The following CNOT3 variants were observed in gnomAD, a reference collection of about 807,000 sequenced individuals.
CNOT3 encodes the protein CCR4-NOT transcription complex subunit 3.
A neutral mutation model predicts 89.4 loss-of-function variants in CNOT3; 2 were observed. That is an observed-to-expected ratio of 0.02 (90% CI 0.01 to 0.07). The LOEUF (loss-of-function observed/expected upper bound fraction) is 0.07, where lower values mean the gene tolerates loss of function less well. Among genes scored for constraint, CNOT3 ranks in the 10% least tolerant of loss-of-function variants. The probability of loss-of-function intolerance (pLI) is 1.00; values close to 1 mark genes in which losing one functional copy is unlikely to be tolerated. For synonymous variants in CNOT3, 486 were observed against 402.0 expected, an observed-to-expected ratio of 1.21 and a Z score of -2.50; for missense variants, 664 against 1,010.2, an observed-to-expected ratio of 0.66 and a Z score of 4.65.
chr19:54,143,827 C>T (rs1263694713), intron 5 of CNOT3, 78 bp downstream of exon 5: 27 of 1,511,114 alleles, frequency 1.8e-5, no homozygotes, highest in Non-Finnish European at 2.3e-5. Flanking sequence ...GGAGGCAGAG[C>T]GGCCAGACCC....
intron 13 of CNOT3, among the ~76,000 whole-genome samples, chr19:54,150,585 G>GAGGCAGTGTGCGCGCCCAGGCTGTCCAGT: frequency 9.2e-6 from 1 of 108,780 alleles, no homozygotes; most frequent in Non-Finnish European, 2.0e-5. Flanking sequence ...GGCTGTCCAG[G>GAGGCAGTGTGCGCGCCCAGGCTGTCCAGT]AGGCAGTGTG....
chr19:54,153,319 C>A lies in CNOT3; in HGVS notation c.2037+320C>A, dbSNP rs372040663. 1.1e-4 allele frequency: 86 copies of A among 762,176 alleles called. 1 individual carries two copies. The highest frequency in any genetic ancestry group is 1.0e-3 in the East Asian group (43 of 40,964). 47.2% of individuals were successfully genotyped at this position (762,176 alleles called of 1,614,324 possible). ...CCAGCAGCCCCAGTCTAGGCCGACC[C>A]CACTCTGCTCATTGGCACATTCTCA... is the stretch of plus-strand genomic sequence containing the variant. On this transcript the variant is annotated intron_variant, in intron 16 of 17. Transcript: ENST00000221232.
chr19:54,155,653 A>C lies in CNOT3; in HGVS notation c.*246A>C, dbSNP rs1304802995. The C allele has an allele frequency of 7.1e-7, 1 of 1,410,472 alleles. No individual in the cohort carries two copies. Among genetic ancestry groups the C allele is most frequent in the Non-Finnish European group, 9.6e-7 (1 of 1,042,474 alleles). 87.4% of individuals were successfully genotyped at this position (1,410,472 alleles called of 1,614,324 possible). On this transcript the variant is annotated 3_prime_UTR_variant, in exon 18 of 18. Transcript: ENST00000221232. ...TGGTAAACCTATTTTCATTTTGGAA[A>C]ATATTTATGAATAAATAGTTTTATA...
rs1474823524 is a variant in CNOT3, at chr19:54,145,962, G to A, written c.756G>A (p.Glu252=). ...SPPSHSHMED[E]IFNQSSSTPT... ...CCAGCCACAGCCACATGGAGGATGA[G>A]ATCTTCAACCAGTCCAGCAGCACGC... is the stretch of plus-strand genomic sequence containing the variant. The change falls in exon 9 of 18, where the codon GAG becomes GAA. Residue 252 remains glutamate (E), a synonymous_variant. Transcript: ENST00000221232. The surrounding 1 kb of genome is among the most constrained non-coding windows in gnomAD (Gnocchi z 5.9). The A allele has an allele frequency of 1.9e-6, 3 of 1,613,840 alleles. No homozygotes were observed. The Admixed American group carries it at 5.0e-5, about 27-fold the overall frequency.
chr19:54,153,588 G>A (rs1284344541), intron 16 of CNOT3, 127 bp from the exon 17 acceptor site: 1 of 796,192 alleles, frequency 1.3e-6, no homozygotes, highest in Admixed American at 1.7e-5. Flanking sequence ...TCTCCAAGAG[G>A]ATTGTCCAGC....
In CNOT3 at chr19:54,145,702, C is replaced by G. The variant is rs34286651; in HGVS notation, c.588C>G (p.Leu196=). 6.2e-7 allele frequency: 1 copy of G among 1,612,964 alleles called. No individual in the cohort carries two copies. Among genetic ancestry groups the G allele is most frequent in the Non-Finnish European group, 8.5e-7 (1 of 1,179,038 alleles). The change falls in exon 8 of 18, where the codon CTC becomes CTG. Residue 196 remains leucine, a synonymous_variant. Coordinates refer to ENST00000221232, the MANE Select transcript of CNOT3 (RefSeq NM_014516.4). The surrounding 1 kb of genome is among the most constrained non-coding windows in gnomAD (Gnocchi z 5.9). ...ILRMLDNDSI[L]VDAIRKIKDD... ...GCATGCTGGACAATGACTCCATCCT[C>G]GTTGACGCCATCCGCAAGATCAAGG...
Position 54,144,264 on chromosome 19 carries a change from G to T in CNOT3, c.415G>T (p.Val139Leu), listed in dbSNP as rs1384147759. Residue 139 changes from valine to leucine, a missense_variant, in exon 7 of 18, where the codon GTG becomes TTG. Coordinates refer to ENST00000221232, the MANE Select transcript of CNOT3 (RefSeq NM_014516.4). The surrounding 1 kb of genome is among the most constrained non-coding windows in gnomAD (Gnocchi z 4.8). ...TNTIDTLNMQ[V>L]DQFESEVESL... ...TACCATCGACACGCTCAACATGCAG[G>T]TGGACCAGTTTGAGAGTGAAGTGGA... 3.1e-6 allele frequency: 5 copies of T among 1,614,038 alleles called. No individual in the cohort carries two copies. Among genetic ancestry groups the T allele is most frequent in the African/African-American group, 1.3e-5 (1 of 74,924 alleles).
At position 54,143,764 on chromosome 19, in the gene CNOT3, C is replaced by T. The variant is rs2074550469; in HGVS notation, c.258+15C>T. On this transcript the variant is annotated intron_variant, in intron 5 of 17. Transcript: ENST00000221232. ...TCATTGAGACGGTAGGAGCCCAGAG[C>T]CTGAGTCCCAGAGAGGTGGGAAGGT... 1.9e-6 allele frequency: 3 copies of T among 1,611,234 alleles called. No homozygotes were observed. The highest frequency in any genetic ancestry group is 2.2e-5 in the South Asian group (2 of 90,986).
At position 54,152,428 on chromosome 19, in the gene CNOT3, ACAT is replaced by A. The variant is rs775489140; in HGVS notation, c.1711_1713del (p.Ile571del). The A allele has an allele frequency of 2.5e-6, 4 of 1,614,030 alleles. No individual in the cohort carries two copies. In the South Asian group the frequency reaches 4.4e-5, roughly 18 times the overall value. On this transcript the variant is annotated inframe_deletion and splice_region_variant, in exon 15 of 18. Coordinates refer to ENST00000221232, the MANE Select transcript of CNOT3 (RefSeq NM_014516.4). ...GGCCGGACCCCCACCCTCCCCACAG[ACAT>A]CATCCTGAGCAGTACATCAGCACCT...
intron 17 of CNOT3, 148 bp downstream of exon 17, chr19:54,153,988 G>A (rs769255004): frequency 2.0e-6 from 2 of 1,017,476 alleles, no homozygotes. Context: ...CCCTCTGGCT[G>A]TCTGCTCAGC....
At chr19:54,149,800 C>T (rs1568664707) in intron 13 of CNOT3, 42 bp downstream of exon 13, 2 of 1,530,506 alleles carry the variant, frequency 1.3e-6, no homozygotes, top group Non-Finnish European at 1.8e-6. Context: ...TGTCCTGACT[C>T]TGTTGTTTCT....
chr19:54,138,236 C>T (rs2074297252), intron 1 of CNOT3, among the ~76,000 whole-genome samples: 1 of 151,828 alleles, frequency 6.6e-6, no homozygotes, highest in South Asian at 2.1e-4. Flanking sequence ...GGGGTCCTTC[C>T]GCGACCCGGA....
intron 3 of CNOT3, 125 bp downstream of exon 3, chr19:54,143,311 A>C: frequency 1.0e-6 from 1 of 962,426 alleles, no homozygotes; most frequent in South Asian, 1.3e-5. Flanking sequence ...ACCTAAGAGA[A>C]TCAGCTCTAA....
At position 54,148,154 on chromosome 19, in the gene CNOT3, G is replaced by C. The variant is rs2074786684; in HGVS notation, c.901G>C (p.Ala301Pro). ...STDSEVSQSP[A>P]KNGSKPVHSN... Reference sequence around the variant, plus strand: ...TGCTCTCTCCCACCCGCAGTCTCCAGCCAAAAACGGCTCCAAGCCTGTCCA... The same window carrying C: ...TGCTCTCTCCCACCCGCAGTCTCCACCCAAAAACGGCTCCAAGCCTGTCCA... The change falls in exon 11 of 18, where the codon GCC (alanine) becomes CCC (proline). Residue 301 changes from alanine to proline, a missense_variant. Transcript: ENST00000221232. The surrounding 1 kb of genome is among the most constrained non-coding windows in gnomAD (Gnocchi z 6.3). The C allele has an allele frequency of 6.6e-7, 1 of 1,510,074 alleles. No individual in the cohort carries two copies. Among genetic ancestry groups the C allele is most frequent in the South Asian group, 1.3e-5 (1 of 75,818 alleles). 93.5% of individuals were successfully genotyped at this position (1,510,074 alleles called of 1,614,324 possible).
intron 13 of CNOT3, among the ~76,000 whole-genome samples, chr19:54,150,592 T>C (rs2075025991): frequency 9.2e-6 from 1 of 108,762 alleles, no homozygotes; most frequent in Non-Finnish European, 2.0e-5. Flanking sequence ...CAGGAGGCAG[T>C]GTGCGCGCCC....
In CNOT3 at chr19:54,155,531, G is replaced by C; in HGVS notation, c.*124G>C. 1 of 906,448 alleles carries C rather than the reference G, an allele frequency of 1.1e-6. No individual in the cohort carries two copies. Among genetic ancestry groups the C allele is most frequent in the Non-Finnish European group, 1.6e-6 (1 of 606,218 alleles). 56.2% of individuals were successfully genotyped at this position (906,448 alleles called of 1,614,324 possible). ...ACGGGGCATCCCCCTCTCCCAGGAA[G>C]CAGGGAGGGGGCCGGGAGGTTTTCC... On this transcript the variant is annotated 3_prime_UTR_variant, in exon 18 of 18. Coordinates refer to ENST00000221232, the MANE Select transcript of CNOT3 (RefSeq NM_014516.4).
At chr19:54,149,869 G>C in intron 13 of CNOT3, 111 bp downstream of exon 13, 2 of 1,117,928 alleles carry the variant, frequency 1.8e-6, no homozygotes, top group Non-Finnish European at 2.5e-6. Flanking sequence ...TCTCTCTCTG[G>C]CTTTCTGTCC....
At chr19:54,139,176 C>T (rs1357031972) in intron 1 of CNOT3, among the ~76,000 whole-genome samples, 1 of 152,196 alleles carries the variant, frequency 6.6e-6, no homozygotes, top group Admixed American at 6.5e-5. Context: ...GGTGAGCTCT[C>T]CTGTCCTTTT....
chr19:54,143,930 G>A lies in CNOT3; in HGVS notation c.259-76G>A, dbSNP rs587761517. The A allele has an allele frequency of 2.6e-6, 4 of 1,564,820 alleles. No individual in the cohort carries two copies. The African/African-American group carries it at 4.2e-5, about 16-fold the overall frequency. On this transcript the variant is annotated intron_variant, in intron 5 of 17. Coordinates refer to ENST00000221232, the MANE Select transcript of CNOT3 (RefSeq NM_014516.4). ...CAGAAAGTAGGGTCACGAGGCTCAG[G>A]TCGGAGTGTCTGCTGGCCCTTAGTC...
Sources: gnomAD v4.1 joint callset for allele counts (sites outside exome capture counted in the v4.1 genomes callset) on GRCh38, gnomAD v4.1.1 for gene constraint, Gnocchi (gnomAD v3.1) non-coding constraint, MANE v1.5 for transcripts, NCBI Gene and HGNC (gene_info 2026-07-23, HGNC 2026-07-21) for gene names.